Variants in CACNG3 observed in about 807,000 individuals in gnomAD.
The protein encoded by CACNG3 is calcium voltage-gated channel auxiliary subunit gamma 3.
Under a neutral mutation model 28.5 loss-of-function variants are expected in CACNG3, and 3 were observed. The ratio of observed to expected loss-of-function variants is 0.11; its 90% CI spans 0.05 to 0.27. The LOEUF is 0.27. Ranked by LOEUF, CACNG3 falls within the 10% of genes least tolerant of loss-of-function variation. CACNG3 has a pLI of 1.00. For synonymous variants in CACNG3, 174 were observed against 162.2 expected, an observed-to-expected ratio of 1.07 and a Z score of -0.55; for missense variants, 236 against 414.4, an observed-to-expected ratio of 0.57 and a Z score of 3.74.
At chr16:24,259,358 G>T (rs1248517445) in intron 1 of CACNG3, among the ~76,000 whole-genome samples, 1 of 152,176 alleles carries the variant, frequency 6.6e-6, no homozygotes, top group African/African-American at 2.4e-5. Context: ...TCTGATTTCT[G>T]CATGGGAAGT....
At chr16:24,339,358 C>T (rs2342682) in intron 1 of CACNG3, among the ~76,000 whole-genome samples, 95,656 of 138,288 alleles carry the variant, frequency 0.69, 30,837 homozygotes, top group Middle Eastern at 0.77. Context: ...ACTGTGTTTT[C>T]TCAGCTAATT....
At chr16:24,316,950 T>C (rs1043238329) in intron 1 of CACNG3, among the ~76,000 whole-genome samples, 1 of 152,176 alleles carries the variant, frequency 6.6e-6, no homozygotes, top group Non-Finnish European at 1.5e-5. Flanking sequence ...CAGTGAAATA[T>C]GGATTAGAAT....
intron 1 of CACNG3, among the ~76,000 whole-genome samples, chr16:24,326,703 G>GAGTC (rs1474758608): frequency 6.6e-6 from 1 of 152,150 alleles, no homozygotes. Context: ...ACTGACAATG[G>GAGTC]AGTCACCCTA....
In CACNG3 at chr16:24,302,356, G is replaced by A. The variant is rs75083922; in HGVS notation, c.212-44378G>A. Among the ~76,000 whole-genome samples the A allele has an allele frequency of 6.0e-3, 906 of 152,256 alleles. 8 individuals are homozygous for A. Among genetic ancestry groups the A allele is most frequent in the African/African-American group, 0.021 (871 of 41,532 alleles). ...CACCCTTGGACCAGGAGTATACAGC[G>A]TCCCCTGGGAGTCTGTAAGAAATGC... is the stretch of plus-strand genomic sequence containing the variant. On this transcript the variant is annotated intron_variant, in intron 1 of 3. Transcript: ENST00000005284.
chr16:24,312,360 G>A (rs1402121403), intron 1 of CACNG3, among the ~76,000 whole-genome samples: 2 of 152,138 alleles, frequency 1.3e-5, no homozygotes, highest in Non-Finnish European at 2.9e-5. Flanking sequence ...AGAGTATGAC[G>A]TCCAAAGTCA....
At chr16:24,318,977 C>T (rs1899422181) in intron 1 of CACNG3, among the ~76,000 whole-genome samples, 1 of 152,182 alleles carries the variant, frequency 6.6e-6, no homozygotes, top group South Asian at 2.1e-4. Flanking sequence ...CTTTTCAATT[C>T]ATGGTATCTG....
At chr16:24,355,034 T>A in intron 3 of CACNG3, 61 bp downstream of exon 3, 5 of 1,538,214 alleles carry the variant, frequency 3.3e-6, no homozygotes, top group Non-Finnish European at 4.5e-6. Context: ...CAGGGCCACA[T>A]GGAGGAAGCA....
At chr16:24,318,788 T>C (rs1237421070) in intron 1 of CACNG3, among the ~76,000 whole-genome samples, 1 of 152,174 alleles carries the variant, frequency 6.6e-6, no homozygotes, top group Admixed American at 6.5e-5. Context: ...GCATGGATTA[T>C]CTGTGCTACC....
At chr16:24,299,547 G>T (rs1649884631) in intron 1 of CACNG3, among the ~76,000 whole-genome samples, 1 of 152,166 alleles carries the variant, frequency 6.6e-6, no homozygotes, top group African/African-American at 2.4e-5. Context: ...TGTGCTCATT[G>T]CTATTGGGAT....
In CACNG3 at chr16:24,362,063, A is replaced by G. The variant is rs1900109580; in HGVS notation, c.*200A>G. ...CCATCCTCTCTAACTTTTCAAGCCA[A>G]TCCCTTAATGTCATTCCTCTCTCTG... On this transcript the variant is annotated 3_prime_UTR_variant, in exon 4 of 4. Transcript: ENST00000005284. 1.9e-6 allele frequency: 1 copy of G among 522,586 alleles called. No individual in the cohort carries two copies. Among genetic ancestry groups the G allele is most frequent in the Non-Finnish European group, 3.3e-6 (1 of 300,156 alleles). 32.4% of individuals were successfully genotyped at this position (522,586 alleles called of 1,614,324 possible). A position where few individuals can be genotyped will look rare whatever the true frequency, so the allele number is the denominator to read the frequency against.
At chr16:24,259,801 G>C (rs1449395888) in intron 1 of CACNG3, among the ~76,000 whole-genome samples, 1 of 152,122 alleles carries the variant, frequency 6.6e-6, no homozygotes, top group African/African-American at 2.4e-5. Context: ...CAGGTGATGG[G>C]TCTTCCAACA....
intron 3 of CACNG3, among the ~76,000 whole-genome samples, chr16:24,357,137 G>A (rs1284558633): frequency 6.6e-6 from 1 of 151,616 alleles, no homozygotes; most frequent in African/African-American, 2.4e-5. Flanking sequence ...GGGAGGCTGA[G>A]GCAGGAGAAT....
intron 1 of CACNG3, among the ~76,000 whole-genome samples, chr16:24,309,183 T>A (rs1384607116): frequency 6.6e-6 from 1 of 152,216 alleles, no homozygotes; most frequent in Non-Finnish European, 1.5e-5. Flanking sequence ...AGATAAGGAC[T>A]AATAAGTATG....
chr16:24,266,760 G>A (rs1178533337), intron 1 of CACNG3, among the ~76,000 whole-genome samples: 1 of 152,112 alleles, frequency 6.6e-6, no homozygotes, highest in Non-Finnish European at 1.5e-5. Flanking sequence ...TGCAAGGCAG[G>A]AACCCCACCT....
intron 1 of CACNG3, among the ~76,000 whole-genome samples, chr16:24,335,320 T>C (rs1899688136): frequency 6.6e-6 from 1 of 152,276 alleles, no homozygotes; most frequent in Non-Finnish European, 1.5e-5. Flanking sequence ...CTCAGGAGGC[T>C]GAGGCATGAG....
chr16:24,281,032 G>A (rs1898820579), intron 1 of CACNG3, among the ~76,000 whole-genome samples: 3 of 152,090 alleles, frequency 2.0e-5, no homozygotes, highest in Admixed American at 1.3e-4. Flanking sequence ...AAATAACAGA[G>A]GTATGGCTAT....
intron 1 of CACNG3, among the ~76,000 whole-genome samples, chr16:24,327,468 ACACAC>A (rs1253672743): frequency 7.6e-6 from 1 of 131,832 alleles, no homozygotes; most frequent in East Asian, 2.5e-4. Flanking sequence ...ACACACACAC[ACACAC>A]ACACATATAC....
At position 24,361,753 on chromosome 16, in the gene CACNG3, C is replaced by G; in HGVS notation, c.838C>G (p.Leu280Val). The G allele has an allele frequency of 6.2e-7, 1 of 1,614,092 alleles. No individual in the cohort carries two copies. Among genetic ancestry groups the G allele is most frequent in the Non-Finnish European group, 8.5e-7 (1 of 1,180,020 alleles). Residue 280 changes from leucine to valine, a missense_variant, in exon 4 of 4, where the codon CTC (leucine) becomes GTC (valine). Physicochemically the swap from Leu to Val is conservative, Grantham distance 32 (BLOSUM62 1). Coordinates refer to ENST00000005284, the MANE Select transcript of CACNG3 (RefSeq NM_006539.4). The surrounding 1 kb of genome is among the most constrained non-coding windows in gnomAD (Gnocchi z 6.8). ...CTCAAAGATCACCATGGGGACCCTC[C>G]TCAACTCCGACCGGGACCACGCTTT... ...DPSKITMGTLLNSDRDHAFLQ... is the reference protein window; with the variant it reads ...DPSKITMGTLVNSDRDHAFLQ...
rs1900112321 is a variant in CACNG3 at position 24,362,282 on chromosome 16, G to T, written c.*419G>T. On this transcript the variant is annotated 3_prime_UTR_variant, in exon 4 of 4. Coordinates refer to ENST00000005284, the MANE Select transcript of CACNG3 (RefSeq NM_006539.4). ...TCCTCAGGAAACCAACCACCGCCCA[G>T]GTGGCCCTGAGGGAGGCATTCACCT... 6.0e-6 allele frequency: 1 copy of T among 165,416 alleles called. No homozygotes were observed. Among genetic ancestry groups the T allele is most frequent in the Admixed American group, 5.9e-5 (1 of 16,890 alleles). 10.2% of individuals were successfully genotyped at this position (165,416 alleles called of 1,614,324 possible).
Sources: allele counts gnomAD v4.1 joint callset (sites outside exome capture counted in the v4.1 genomes callset), GRCh38; gene constraint gnomAD v4.1.1; non-coding constraint Gnocchi (gnomAD v3.1); transcripts MANE v1.5; gene names NCBI Gene and HGNC (gene_info 2026-07-23, HGNC 2026-07-21).